PDE3B: variants seen among roughly 807,000 people sequenced by gnomAD.
The protein encoded by PDE3B is cGMP-inhibited 3',5'-cyclic phosphodiesterase 3B.
PDE3B carries 66 observed loss-of-function variants against 116.8 expected under a neutral mutation model. The ratio of observed to expected loss-of-function variants is 0.56; its 90% CI spans 0.46 to 0.69. PDE3B has a LOEUF of 0.69. Ranked by LOEUF, PDE3B falls within the 30% of genes least tolerant of loss-of-function variation. The pLI is 0.00. For missense variants in PDE3B, 1,384 were observed against 1,368.1 expected (o/e 1.01, Z -0.18); for synonymous variants, 595 against 533.6 (o/e 1.12, Z -1.59).
intron 1 of PDE3B, among the ~76,000 whole-genome samples, chr11:14,654,226 ATAAAT>A (rs1219493122): frequency 6.6e-6 from 1 of 152,194 alleles, no homozygotes; most frequent in African/African-American, 2.4e-5. Flanking sequence ...CTCAAGCAGA[ATAAAT>A]TAAAAGAAAC....
intron 1 of PDE3B, among the ~76,000 whole-genome samples, chr11:14,645,783 T>A (rs544899169): frequency 1.4e-4 from 22 of 152,280 alleles, no homozygotes; most frequent in East Asian, 5.8e-4. Flanking sequence ...GTTTTTTTTT[T>A]AAAAGGGATT....
intron 14 of PDE3B, 52 bp downstream of exon 14, chr11:14,861,418 C>T: frequency 3.9e-6 from 6 of 1,523,536 alleles, no homozygotes; most frequent in Non-Finnish European, 5.4e-6. Context: ...CATGAGAAGA[C>T]ACTACTCTTT....
the PDE3B span, among the ~76,000 whole-genome samples, chr11:14,895,584 C>T: frequency 6.6e-6 from 1 of 152,066 alleles, no homozygotes; most frequent in Admixed American, 6.6e-5. Flanking sequence ...AATTCGTGCA[C>T]TTGGATTTTC....
chr11:14,879,461 T>C, the PDE3B span: 3 of 1,572,348 alleles, frequency 1.9e-6, no homozygotes, highest in Non-Finnish European at 2.6e-6. Context: ...AGAAAAAGTA[T>C]TCAAGTTATT....
Position 14,644,563 on chromosome 11 carries a change from T to G in PDE3B, c.488T>G (p.Leu163Arg). The stretch of plus-strand genomic sequence containing the variant: ...CTGGCGCTGCCCGCCTGCTGTTACC[T>G]GGGGGACTTCTTGGTGTGGCAGTGG... ...WLLALPACCY[L>R]GDFLVWQWWS... is the part of the protein sequence containing the mutation. The change falls in exon 1 of 16, where the codon CTG becomes CGG. Residue 163 changes from leucine to arginine, a missense_variant. Coordinates refer to ENST00000282096, the MANE Select transcript of PDE3B (RefSeq NM_000922.4). 6.3e-7 allele frequency: 1 copy of G among 1,595,852 alleles called. No homozygotes were observed. The highest frequency in any genetic ancestry group is 1.1e-5 in the South Asian group (1 of 88,840).
At chr11:14,650,846 T>G (rs1487837769) in intron 1 of PDE3B, among the ~76,000 whole-genome samples, 1 of 151,844 alleles carries the variant, frequency 6.6e-6, no homozygotes, top group Admixed American at 6.6e-5. Flanking sequence ...AGGAAGTAGA[T>G]TTTTTCCCTA....
At chr11:14,841,850 C>A (rs970203591) in intron 11 of PDE3B, among the ~76,000 whole-genome samples, 2 of 150,206 alleles carry the variant, frequency 1.3e-5, no homozygotes, top group East Asian at 2.0e-4. Flanking sequence ...TGATTACTAT[C>A]GCTTTGTAAT....
At chr11:14,891,190 G>C in the PDE3B span, 128 of 985,362 alleles carry the variant, frequency 1.3e-4, no homozygotes, top group Non-Finnish European at 1.5e-4. Flanking sequence ...GCCAGTCACA[G>C]GGCATTTCCG....
At chr11:14,868,815 G>A (rs1287934272) in intron 15 of PDE3B, among the ~76,000 whole-genome samples, 18 of 152,038 alleles carry the variant, frequency 1.2e-4, no homozygotes, top group African/African-American at 4.3e-4. Context: ...ATTAGCATCT[G>A]AAGGTTGACT....
chr11:14,789,215 G>T lies in PDE3B; in HGVS notation c.1388G>T (p.Arg463Ile). 1 of 1,607,478 alleles carries T rather than the reference G, an allele frequency of 6.2e-7. No homozygotes were observed. Among genetic ancestry groups the T allele is most frequent in the South Asian group, 1.1e-5 (1 of 89,912 alleles). The change falls in exon 4 of 16, where the codon AGA (arginine) becomes ATA (isoleucine). Residue 463 changes from arginine to isoleucine, a missense_variant. Physicochemically the swap from Arg to Ile is moderately conservative, Grantham distance 97. Around this residue, in one of 2 missense-constraint regions of PDE3B, gnomAD observed 956 missense variants for 806.8 expected, o/e 1.18. Coordinates refer to ENST00000282096, the MANE Select transcript of PDE3B (RefSeq NM_000922.4). ...AGGTGGGATCGTAATAATGGCAAAA[G>T]ACCTCACCAAGAATTTGGCATTTCA... ...SSRWDRNNGK[R>I]PHQEFGISSQ...
intron 1 of PDE3B, among the ~76,000 whole-genome samples, chr11:14,765,045 CAA>C (rs1857459247): frequency 2.0e-5 from 3 of 151,838 alleles, no homozygotes; most frequent in Admixed American, 2.0e-4. Flanking sequence ...TAAACACACA[CAA>C]AGAGTTAAGT....
At chr11:14,889,998 G>A in the PDE3B span, among the ~76,000 whole-genome samples, 3 of 151,938 alleles carry the variant, frequency 2.0e-5, no homozygotes, top group Non-Finnish European at 2.9e-5. Flanking sequence ...GCGTGGTGGC[G>A]AGCACCTGTG....
chr11:14,849,637 A>G (rs1847697988), intron 12 of PDE3B, among the ~76,000 whole-genome samples: 2 of 152,228 alleles, frequency 1.3e-5, no homozygotes, highest in East Asian at 3.8e-4. Flanking sequence ...AAACAAATTT[A>G]CAAGAAAAAA....
rs191229244 is a variant in PDE3B at position 14,702,579 on chromosome 11, T to G, written c.978+57526T>G. Among the ~76,000 whole-genome samples, 9 of 151,976 alleles carry G rather than the reference T, an allele frequency of 5.9e-5. No individual in the cohort carries two copies. In the East Asian group the frequency reaches 1.7e-3, roughly 29 times the overall value. On this transcript the variant is annotated intron_variant, in intron 1 of 15. Coordinates refer to ENST00000282096, the MANE Select transcript of PDE3B (RefSeq NM_000922.4). The stretch of plus-strand genomic sequence containing the variant: ...GCTGGAGCTCAATACTGCTGGAGAC[T>G]TTCAGAGAGACTGTGTAGAACTGCA...
rs372372488 is a variant in PDE3B at position 14,756,467 on chromosome 11, C to T, written c.979-15470C>T. 9.8e-5 allele frequency among the ~76,000 whole-genome samples: 15 copies of T among 152,296 alleles called. No individual in the cohort carries two copies. The East Asian group carries it at 2.1e-3, about 22-fold the overall frequency. The stretch of plus-strand genomic sequence containing the variant: ...TGGAGGAATCCAACTACTGTCAACC[C>T]ACGCTGTCCAGAAAGGAGGTGATAC... On this transcript the variant is annotated intron_variant, in intron 1 of 15. Transcript: ENST00000282096.
rs902896820 is a variant in PDE3B, at chr11:14,696,409, A to G, written c.978+51356A>G. Among the ~76,000 whole-genome samples, 3 of 152,318 alleles carry G rather than the reference A, an allele frequency of 2.0e-5. No homozygotes were observed. In the East Asian group the frequency reaches 5.8e-4, roughly 29 times the overall value. On this transcript the variant is annotated intron_variant, in intron 1 of 15. Transcript: ENST00000282096. ...CCAAGTTGTACCAGTGTATTCACCC[A>G]AAAGCATTAGGTGAGAGTTTCATTT...
chr11:14,886,172 C>A, the PDE3B span: 1 of 476,826 alleles, frequency 2.1e-6, no homozygotes, highest in Non-Finnish European at 3.8e-6. Flanking sequence ...GTACTGGACT[C>A]GGGAGGCCTG....
In PDE3B at chr11:14,806,257, G is replaced by C. The variant is rs187940846; in HGVS notation, c.1522+2207G>C. Among the ~76,000 whole-genome samples the C allele has an allele frequency of 6.4e-4, 94 of 146,760 alleles. No individual in the cohort carries two copies. The East Asian group carries it at 0.019, about 29-fold the overall frequency. ...CATGAGGTCAGGAGATCGAGACCAT[G>C]GTGAAACCCCGTCTCTACTAAAAAT... On this transcript the variant is annotated intron_variant, in intron 5 of 15. Coordinates refer to ENST00000282096, the MANE Select transcript of PDE3B (RefSeq NM_000922.4).
At chr11:14,650,129 C>T (rs573916422) in intron 1 of PDE3B, among the ~76,000 whole-genome samples, 1 of 152,040 alleles carries the variant, frequency 6.6e-6, no homozygotes, top group African/African-American at 2.4e-5. Context: ...ACAGATTTCT[C>T]CTCCTCCATC....
Sources: gnomAD v4.1 joint callset for allele counts (sites outside exome capture counted in the v4.1 genomes callset) on GRCh38, gnomAD v4.1.1 for gene constraint, gnomAD v4.1.1 regional missense constraint, MANE v1.5 for transcripts, NCBI Gene and HGNC (gene_info 2026-07-23, HGNC 2026-07-21) for gene names.